The following CD4 variants were observed in gnomAD, a reference collection of about 807,000 sequenced individuals.
CD4 encodes T-cell surface glycoprotein CD4.
A neutral mutation model predicts 50.5 loss-of-function variants in CD4; 25 were observed. The observed-to-expected ratio is 0.49, with a 90% confidence interval of 0.36 to 0.69. The LOEUF (loss-of-function observed/expected upper bound fraction) is 0.69. CD4 is among the 30% of genes least tolerant of loss of function. CD4 has a pLI of 0.00. For missense variants in CD4, 456 were observed against 548.5 expected (o/e 0.83, Z 1.68); for synonymous variants, 207 against 221.9 (o/e 0.93, Z 0.60).
intron 3 of CD4, among the ~76,000 whole-genome samples, chr12:6,805,202 A>AAAAAG (rs1217007458): frequency 2.7e-5 from 1 of 37,264 alleles, no homozygotes; most frequent in African/African-American, 8.7e-5. Flanking sequence ...AAAAAAAAAA[A>AAAAAG]AAAAGAAAAG....
intron 3 of CD4, among the ~76,000 whole-genome samples, chr12:6,811,306 C>A (rs932597659): frequency 2.0e-5 from 3 of 152,050 alleles, no homozygotes; most frequent in African/African-American, 7.2e-5. Flanking sequence ...TCCACTGCAC[C>A]CAGAAAATGC....
chr12:6,813,996 C>T, intron 3 of CD4, 146 bp from the exon 4 acceptor site: 1 of 698,000 alleles, frequency 1.4e-6, no homozygotes, highest in Non-Finnish European at 2.5e-6. Flanking sequence ...GACCTCCTTG[C>T]CAGACCGGGT....
Position 6,816,195 on chromosome 12 carries a change from G to C in CD4, c.747G>C (p.Lys249Asn), listed in dbSNP as rs200937441. 4.3e-6 allele frequency: 7 copies of C among 1,614,078 alleles called. No homozygotes were observed. Among genetic ancestry groups the C allele is most frequent in the Non-Finnish European group, 5.9e-6 (7 of 1,180,032 alleles). The change falls in exon 6 of 10, where the codon AAG becomes AAC. Residue 249 changes from lysine (K) to asparagine (N), a missense_variant. By Grantham distance (94) the Lys-to-Asn change is moderately conservative. Transcript: ENST00000011653. This position sits in a 1 kb window ranked among gnomAD's most constrained non-coding sequence, Gnocchi z 4.9. Reference protein sequence around the residue: ...WWQAERASSSKSWITFDLKNK... With the variant: ...WWQAERASSSNSWITFDLKNK... ...AGGCGGAGAGGGCTTCCTCCTCCAA[G>C]TCTTGGATCACCTTTGACCTGAAGA... is the stretch of plus-strand genomic sequence containing the variant.
intron 3 of CD4, among the ~76,000 whole-genome samples, chr12:6,805,119 A>C (rs1236332246): frequency 7.3e-6 from 1 of 136,284 alleles, no homozygotes; most frequent in Non-Finnish European, 1.5e-5. Context: ...TAGGAGGGCA[A>C]GGCTGCAGTG....
intron 3 of CD4, among the ~76,000 whole-genome samples, chr12:6,808,561 C>G (rs751160115): frequency 2.0e-5 from 3 of 147,916 alleles, no homozygotes; most frequent in Non-Finnish European, 4.5e-5. Context: ...TTTTAAAAAG[C>G]CAAGAGCTTA....
intron 3 of CD4, 186 bp from the exon 4 acceptor site, chr12:6,813,956 C>G: frequency 1.8e-6 from 1 of 555,048 alleles, no homozygotes; most frequent in Non-Finnish European, 3.2e-6. Flanking sequence ...TTGTGAGCTA[C>G]TGTCCCAGCC....
intron 3 of CD4, among the ~76,000 whole-genome samples, chr12:6,803,104 T>C (rs1226326215): frequency 3.3e-5 from 5 of 152,120 alleles, no homozygotes; most frequent in African/African-American, 7.2e-5. Context: ...GACCTAATAA[T>C]AGCTATTTTG....
intron 2 of CD4, 52 bp downstream of exon 2, chr12:6,800,239 A>AAGGTGG: frequency 6.2e-7 from 1 of 1,612,824 alleles, no homozygotes; most frequent in Non-Finnish European, 8.5e-7. Context: ...AGGAAAGGCA[A>AAGGTGG]AGGTGGAGGA....
At chr12:6,817,720 G>A (rs1409083880) in intron 7 of CD4, among the ~76,000 whole-genome samples, 1 of 144,802 alleles carries the variant, frequency 6.9e-6, no homozygotes, top group Non-Finnish European at 1.5e-5. Context: ...TCTCACACAC[G>A]CACACACATC....
intron 4 of CD4, 150 bp downstream of exon 4, chr12:6,814,450 C>A: frequency 1.3e-6 from 1 of 799,690 alleles, no homozygotes; most frequent in South Asian, 1.8e-5. Context: ...TGTCTTAAAA[C>A]CCTTCTTGAT....
In CD4 at chr12:6,817,326, C is replaced by T. The variant is rs1943107573; in HGVS notation, c.1152C>T (p.Ile384=). The T allele has an allele frequency of 6.4e-7, 1 of 1,553,734 alleles. No individual in the cohort carries two copies. The highest frequency in any genetic ancestry group is 8.7e-7 in the Non-Finnish European group (1 of 1,147,890). Residue 384 remains isoleucine (I), a synonymous_variant, in exon 7 of 10, where the codon ATC becomes ATT. Coordinates refer to ENST00000011653, the MANE Select transcript of CD4 (RefSeq NM_000616.5). Reference sequence around the variant, plus strand: ...GACAGGTCCTGCTGGAATCCAACATCAAGGGTAAGGACCCAGGTTCCAAGG... The same window carrying T: ...GACAGGTCCTGCTGGAATCCAACATTAAGGGTAAGGACCCAGGTTCCAAGG... ...DSGQVLLESN[I]KVLPTWSTPV... is the part of the protein sequence containing the mutation.
intron 3 of CD4, among the ~76,000 whole-genome samples, chr12:6,807,101 A>G (rs1398996333): frequency 6.6e-6 from 1 of 152,144 alleles, no homozygotes; most frequent in African/African-American, 2.4e-5. Context: ...CGGGAGGCGG[A>G]GCTTGCAGTG....
chr12:6,806,128 G>T (rs1329100470), intron 3 of CD4, among the ~76,000 whole-genome samples: 1 of 128,422 alleles, frequency 7.8e-6, no homozygotes, highest in Non-Finnish European at 1.6e-5. Flanking sequence ...AGGAAACCCC[G>T]TCTCTACCAA....
chr12:6,807,188 C>CAA (rs55729979), intron 3 of CD4, among the ~76,000 whole-genome samples: 2 of 152,014 alleles, frequency 1.3e-5, no homozygotes, highest in Non-Finnish European at 2.9e-5. Context: ...AACAAACAAA[C>CAA]AAAAAACATG....
intron 1 of CD4, among the ~76,000 whole-genome samples, chr12:6,797,915 A>G (rs1225500123): frequency 6.6e-6 from 1 of 151,962 alleles, no homozygotes; most frequent in Non-Finnish European, 1.5e-5. Flanking sequence ...TCTTATCTCA[A>G]CCGAATAGAG....
chr12:6,814,864 G>A lies in CD4; in HGVS notation c.479G>A (p.Gly160Asp), dbSNP rs782400591. ...SPSVQCRSPR[G>D]KNIQGGKTLS... ...TCAGTGCAATGTAGGAGTCCAAGGGGTAAAAACATACAGGGGGGGAAGACC... is the reference window on the plus strand; with the variant it reads ...TCAGTGCAATGTAGGAGTCCAAGGGATAAAAACATACAGGGGGGGAAGACC... Residue 160 changes from glycine to aspartate, a missense_variant, in exon 5 of 10, where the codon GGT becomes GAT. Gly to Asp is a moderately conservative substitution (Grantham distance 94). Transcript: ENST00000011653. 1 of 1,613,570 alleles carries A rather than the reference G, an allele frequency of 6.2e-7. No individual in the cohort carries two copies. Among genetic ancestry groups the A allele is most frequent in the Non-Finnish European group, 8.5e-7 (1 of 1,179,708 alleles).
chr12:6,793,354 T>G (rs1942228111), intron 1 of CD4, among the ~76,000 whole-genome samples: 1 of 152,104 alleles, frequency 6.6e-6, no homozygotes, highest in South Asian at 2.1e-4. Context: ...TAAGCTGAAT[T>G]TGGACCCCAG....
intron 1 of CD4, among the ~76,000 whole-genome samples, chr12:6,792,000 G>A (rs1942175704): frequency 6.6e-6 from 1 of 152,156 alleles, no homozygotes; most frequent in African/African-American, 2.4e-5. Flanking sequence ...GGGTGGGCAC[G>A]GTTCCCCCGA....
chr12:6,804,162 GCACACACACACA>G (rs57392353), intron 3 of CD4, among the ~76,000 whole-genome samples: 2 of 150,352 alleles, frequency 1.3e-5, no homozygotes, highest in South Asian at 2.1e-4. Context: ...AAAATAAAAA[GCACACACACACA>G]CACACACACA....
Sources: gnomAD v4.1 joint callset for allele counts (sites outside exome capture counted in the v4.1 genomes callset) on GRCh38, gnomAD v4.1.1 for gene constraint, Gnocchi (gnomAD v3.1) non-coding constraint, MANE v1.5 for transcripts, NCBI Gene and HGNC (gene_info 2026-07-23, HGNC 2026-07-21) for gene names.